ZNF705G: variants seen among roughly 807,000 people sequenced by gnomAD.
ZNF705G encodes zinc finger protein 705G, also known as putative zinc finger protein 705G.
ZNF705G carries 23 observed loss-of-function variants against 19.6 expected under a neutral mutation model. The observed-to-expected ratio is 1.17, with a 90% CI of 0.84 to 1.66. The LOEUF (loss-of-function observed/expected upper bound fraction) is 1.66. ZNF705G is among the 40% of genes most tolerant of loss of function. The pLI is 0.00. For synonymous variants in ZNF705G, 146 were observed against 117.7 expected, an observed-to-expected ratio of 1.24 and a Z score of -1.56; for missense variants, 457 against 354.4, an observed-to-expected ratio of 1.29 and a Z score of -2.32.
At chr8:7,361,462 A>T (rs1806591618) in intron 3 of ZNF705G, among the ~76,000 whole-genome samples, 1 of 149,658 alleles carries the variant, frequency 6.7e-6, no homozygotes, top group Admixed American at 6.6e-5. Flanking sequence ...ATATCACATG[A>T]GGTGTGGCAT....
intron 2 of ZNF705G, among the ~76,000 whole-genome samples, chr8:7,363,966 C>T (rs1243387642): frequency 2.7e-5 from 4 of 149,494 alleles, no homozygotes; most frequent in African/African-American, 7.7e-5. Flanking sequence ...TGGTGTTTCT[C>T]TCCTGTGTAT....
intron 2 of ZNF705G, among the ~76,000 whole-genome samples, chr8:7,376,328 T>A (rs1318188002): frequency 1.1e-5 from 1 of 93,780 alleles, no homozygotes; most frequent in Admixed American, 1.2e-4. Flanking sequence ...ATTTATTGAA[T>A]GTTTATTAAA....
intron 1 of ZNF705G, among the ~76,000 whole-genome samples, chr8:7,384,025 G>A (rs1315827854): frequency 1.5e-5 from 2 of 137,388 alleles, no homozygotes; most frequent in Non-Finnish European, 3.0e-5. Context: ...GTGTTGAGAA[G>A]CCAAAAGGTA....
At chr8:7,359,380 C>G (rs538357037) in intron 6 of ZNF705G, among the ~76,000 whole-genome samples, 1 of 149,760 alleles carries the variant, frequency 6.7e-6, no homozygotes, top group African/African-American at 2.6e-5. Context: ...ATATCAATAT[C>G]TTTCGATGAC....
At chr8:7,377,487 C>A (rs201413171) in intron 2 of ZNF705G, 2,790 of 274,494 alleles carry the variant, frequency 0.01, 66 homozygotes, top group Admixed American at 0.012. Flanking sequence ...AGCACTACAC[C>A]CAAAAAGGAC....
At chr8:7,361,376 T>A in intron 3 of ZNF705G, 140 bp from the exon 4 acceptor site, 2 of 1,419,364 alleles carry the variant, frequency 1.4e-6, no homozygotes, top group Non-Finnish European at 9.4e-7. Flanking sequence ...TTCTCAGTAC[T>A]AAGCTGGTAT....
chr8:7,370,454 T>C lies in ZNF705G; in HGVS notation c.-71-7437A>G, dbSNP rs182656257. Among the ~76,000 whole-genome samples, 153 of 149,352 alleles carry C rather than the reference T, an allele frequency of 1.0e-3. 2 individuals carry two copies. Among genetic ancestry groups the C allele is most frequent in the Admixed American group, 1.4e-3 (22 of 15,220 alleles). On this transcript the variant is annotated intron_variant, in intron 2 of 6. Coordinates refer to ENST00000400156, the MANE Select transcript of ZNF705G (RefSeq NM_001164457.3). ...CAAAAAGATGTATAACAAGTATTAG[T>C]GAGGTTGTGGAGAAAAGATAACCCT...
At chr8:7,368,003 G>C (rs1209366662) in intron 2 of ZNF705G, among the ~76,000 whole-genome samples, 2 of 149,594 alleles carry the variant, frequency 1.3e-5, no homozygotes, top group African/African-American at 2.6e-5. Flanking sequence ...AGTCCCACAA[G>C]CAAGCAGCAA....
At position 7,356,748 on chromosome 8, in the gene ZNF705G, T is replaced by C. The variant is rs1347755917; in HGVS notation, c.*1228A>G. On this transcript the variant is annotated 3_prime_UTR_variant, in exon 7 of 7. Coordinates refer to ENST00000400156, the MANE Select transcript of ZNF705G (RefSeq NM_001164457.3). ...CCCAAGGAGTGCAGGTGCAAATCCA[T>C]TTGTTAGGGCCGCATAAATGAAACA... The C allele has an allele frequency of 6.7e-6, 1 of 149,760 alleles. No individual in the cohort carries two copies. The highest frequency in any genetic ancestry group is 2.6e-5 in the African/African-American group (1 of 39,104). 9.3% of individuals were successfully genotyped at this position (149,760 alleles called of 1,614,324 possible).
At chr8:7,369,009 G>A (rs1359237824) in intron 2 of ZNF705G, among the ~76,000 whole-genome samples, 2 of 149,612 alleles carry the variant, frequency 1.3e-5, no homozygotes, top group African/African-American at 2.6e-5. Flanking sequence ...ATGGCTGGGG[G>A]GAGGCAGAAG....
intron 2 of ZNF705G, among the ~76,000 whole-genome samples, chr8:7,376,101 A>G (rs1807232100): frequency 1.1e-5 from 1 of 90,040 alleles, no homozygotes; most frequent in Non-Finnish European, 2.1e-5. Context: ...CTCAGGGATC[A>G]AAAAACTCAG....
At position 7,384,337 on chromosome 8, in the gene ZNF705G, C is replaced by T. The variant is rs182308182; in HGVS notation, c.-222+1161G>A. On this transcript the variant is annotated intron_variant, in intron 1 of 6. Transcript: ENST00000400156. ...GGAGGAGTCAATTGCTACCCAATAC[C>T]TATCCACACAGAGTTGTGTTTTAAC... is the stretch of plus-strand genomic sequence containing the variant. Among the ~76,000 whole-genome samples, 55 of 145,756 alleles carry T rather than the reference C, an allele frequency of 3.8e-4. 4 individuals carry two copies. In the East Asian group the frequency reaches 8.5e-3, roughly 23 times the overall value.
At chr8:7,363,170 C>T (rs1314897667) in intron 2 of ZNF705G, among the ~76,000 whole-genome samples, 153 bp from the exon 3 acceptor site, 3 of 149,402 alleles carry the variant, frequency 2.0e-5, no homozygotes, top group Admixed American at 2.0e-4. Context: ...CTCCTCTTTT[C>T]CCGTGGTCAA....
At position 7,358,773 on chromosome 8, in the gene ZNF705G, G is replaced by A. The variant is rs528121566; in HGVS notation, c.319-213C>T. 1.4e-4 allele frequency among the ~76,000 whole-genome samples: 21 copies of A among 149,428 alleles called. 1 individual carries two copies. The South Asian group carries it at 2.9e-3, about 21-fold the overall frequency. On this transcript the variant is annotated intron_variant, in intron 6 of 6. Coordinates refer to ENST00000400156, the MANE Select transcript of ZNF705G (RefSeq NM_001164457.3). ...GCTGGGAACTGGGTCACACAAACCT[G>A]CCTCCCCCTTCTGGTTCCTAAATAA...
chr8:7,381,855 C>T (rs1807511877), intron 1 of ZNF705G, among the ~76,000 whole-genome samples: 1 of 150,344 alleles, frequency 6.7e-6, no homozygotes, highest in African/African-American at 2.5e-5. Flanking sequence ...TCCCATGTAA[C>T]AAATCTGCGC....
intron 1 of ZNF705G, among the ~76,000 whole-genome samples, chr8:7,382,125 T>C (rs1807526086): frequency 1.3e-5 from 2 of 151,434 alleles, no homozygotes; most frequent in Admixed American, 6.6e-5. Context: ...CCTTTAGTGG[T>C]GATGCTTCTT....
At chr8:7,362,053 A>C (rs1806626767) in intron 3 of ZNF705G, among the ~76,000 whole-genome samples, 1 of 149,444 alleles carries the variant, frequency 6.7e-6, no homozygotes, top group Non-Finnish European at 1.5e-5. Context: ...GGCAATCCAA[A>C]CATCAGTTAT....
In ZNF705G at chr8:7,361,123, G is replaced by A. The variant is rs770095956; in HGVS notation, c.126C>T (p.His42=). ...TCAGGGACTCACCGAGGGACACCAG[G>A]TGACTGATATTTTCCAGCATCACAT... The part of the protein sequence containing the change: ...YRDVMLENIS[H]LVSLGYQISK... Residue 42 remains histidine (H), a synonymous_variant, in exon 4 of 7, where the codon CAC becomes CAT. Transcript: ENST00000400156. The A allele has an allele frequency of 9.4e-6, 15 of 1,592,632 alleles. No homozygotes were observed. The highest frequency in any genetic ancestry group is 1.3e-5 in the Non-Finnish European group (15 of 1,179,420).
In ZNF705G at chr8:7,355,646, G is replaced by T. The variant is rs1334176468; in HGVS notation, c.*2330C>A. 6.7e-6 allele frequency: 1 copy of T among 149,660 alleles called. No individual in the cohort carries two copies. The highest frequency in any genetic ancestry group is 1.5e-5 in the Non-Finnish European group (1 of 68,008). 9.3% of individuals were successfully genotyped at this position (149,660 alleles called of 1,614,324 possible). A position where few individuals can be genotyped will look rare whatever the true frequency, so the allele number is the denominator to read the frequency against. On this transcript the variant is annotated 3_prime_UTR_variant, in exon 7 of 7. Coordinates refer to ENST00000400156, the MANE Select transcript of ZNF705G (RefSeq NM_001164457.3). ...GAATAAGAGAAGCATTCTGTGTTACGCTTTAATAATGGCTGGAGATCTGCC... is the reference window on the plus strand; with the variant it reads ...GAATAAGAGAAGCATTCTGTGTTACTCTTTAATAATGGCTGGAGATCTGCC...
Sources: allele counts gnomAD v4.1 joint callset (sites outside exome capture counted in the v4.1 genomes callset), GRCh38; gene constraint gnomAD v4.1.1; transcripts MANE v1.5; gene names NCBI Gene and HGNC (gene_info 2026-07-23, HGNC 2026-07-21).